RCSD1: variants seen among roughly 807,000 people sequenced by gnomAD.
RCSD1 encodes the protein RCSD domain containing 1.
RCSD1 carries 26 observed loss-of-function variants against 42.5 expected under a neutral mutation model. The observed-to-expected ratio is 0.61, with a 90% CI of 0.45 to 0.85. RCSD1 has a LOEUF of 0.85. RCSD1 is among the 40% of genes least tolerant of loss of function. RCSD1 has a pLI of 0.00. For synonymous variants in RCSD1, 220 were observed against 212.2 expected (o/e 1.04, Z -0.32); for missense variants, 571 against 528.3 (o/e 1.08, Z -0.79).
chr1:167,665,996 G>A (rs994497015), intron 1 of RCSD1, among the ~76,000 whole-genome samples: 41 of 152,244 alleles, frequency 2.7e-4, no homozygotes, highest in African/African-American at 9.4e-4. Flanking sequence ...ATTTTTAGTC[G>A]AGACGGGGTT....
Position 167,706,369 on chromosome 1 carries a change from T to C in RCSD1, c.*1673T>C, listed in dbSNP as rs1339865271. The C allele has an allele frequency of 6.6e-6, 1 of 152,166 alleles. No homozygotes were observed. Among genetic ancestry groups the C allele is most frequent in the African/African-American group, 2.4e-5 (1 of 41,430 alleles). 9.4% of individuals were successfully genotyped at this position (152,166 alleles called of 1,614,324 possible). ...GACAGAGAAGTCTACCCCTAAACAA[T>C]ACTTGGTTTTATTTATATATGTCTT... On this transcript the variant is annotated 3_prime_UTR_variant, in exon 7 of 7. Transcript: ENST00000367854.
chr1:167,677,647 G>A (rs1380720637), intron 1 of RCSD1, among the ~76,000 whole-genome samples: 1 of 152,220 alleles, frequency 6.6e-6, no homozygotes, highest in Non-Finnish European at 1.5e-5. Context: ...GAGATGAGTA[G>A]AGGAAACAGT....
intron 1 of RCSD1, among the ~76,000 whole-genome samples, chr1:167,646,987 T>C (rs1480617685): frequency 6.6e-6 from 1 of 151,942 alleles, no homozygotes; most frequent in African/African-American, 2.4e-5. Context: ...AAAGTTAGCC[T>C]GGCATGGTGG....
At position 167,697,064 on chromosome 1, in the gene RCSD1, G is replaced by T. The variant is rs1351967641; in HGVS notation, c.475-35G>T. The T allele has an allele frequency of 7.0e-6, 11 of 1,577,202 alleles. No individual in the cohort carries two copies. The Admixed American group carries it at 7.4e-5, about 11-fold the overall frequency. ...TCCTCCTCTTGGCCTTTTTTTATGA[G>T]TTTTTGGATAACTTTCCTTAACACT... On this transcript the variant is annotated intron_variant, in intron 5 of 6. Coordinates refer to ENST00000367854, the MANE Select transcript of RCSD1 (RefSeq NM_052862.4).
chr1:167,697,383 G>A lies in RCSD1; in HGVS notation c.759G>A (p.Arg253=), dbSNP rs1161044323. ...GGACAGAGAAGCAGGAGGAGGACAG[G>A]GCCACAGAGGAAGCCAAGAACGGTG... ...PSRTEKQEED[R]ATEEAKNGEK... The change falls in exon 6 of 7, where the codon AGG becomes AGA. Residue 253 remains arginine, a synonymous_variant. Transcript: ENST00000367854. 6.2e-7 allele frequency: 1 copy of A among 1,613,818 alleles called. No homozygotes were observed. The highest frequency in any genetic ancestry group is 8.5e-7 in the Non-Finnish European group (1 of 1,179,900).
intron 1 of RCSD1, among the ~76,000 whole-genome samples, chr1:167,669,248 G>T (rs896821774): frequency 6.6e-6 from 1 of 152,252 alleles, no homozygotes; most frequent in Non-Finnish European, 1.5e-5. Context: ...AAGTGACCAT[G>T]TAAGACCATT....
chr1:167,648,167 T>C (rs1245720474), intron 1 of RCSD1, among the ~76,000 whole-genome samples: 1 of 152,244 alleles, frequency 6.6e-6, no homozygotes, highest in Non-Finnish European at 1.5e-5. Context: ...ATTTTCATTG[T>C]AAATGTCTTC....
intron 1 of RCSD1, among the ~76,000 whole-genome samples, chr1:167,675,207 GAAAAAAA>G (rs34426324): frequency 2.0e-5 from 1 of 49,148 alleles, no homozygotes; most frequent in Non-Finnish European, 3.5e-5. Flanking sequence ...CTCCATCTCG[GAAAAAAA>G]AAAAAAAAAA....
At chr1:167,668,736 TAAAAA>T (rs57523926) in intron 1 of RCSD1, among the ~76,000 whole-genome samples, 1 of 130,428 alleles carries the variant, frequency 7.7e-6, no homozygotes, top group African/African-American at 2.8e-5. Flanking sequence ...CAAGATGTAC[TAAAAA>T]AAAAAAAAAA....
At chr1:167,646,320 G>A (rs1054494529) in intron 1 of RCSD1, among the ~76,000 whole-genome samples, 1 of 152,004 alleles carries the variant, frequency 6.6e-6, no homozygotes, top group South Asian at 2.1e-4. Context: ...GGTGAGCAGC[G>A]GCTATAAGGA....
intron 1 of RCSD1, among the ~76,000 whole-genome samples, chr1:167,675,969 G>A (rs1177549326): frequency 6.6e-6 from 1 of 152,148 alleles, no homozygotes; most frequent in Non-Finnish European, 1.5e-5. Context: ...ATCCCTCAGA[G>A]TATTCAGGAA....
At chr1:167,633,029 A>C (rs1657744608) in intron 1 of RCSD1, among the ~76,000 whole-genome samples, 1 of 152,216 alleles carries the variant, frequency 6.6e-6, no homozygotes, top group South Asian at 2.1e-4. Flanking sequence ...AAATTAAGTT[A>C]TATTACTTCT....
intron 1 of RCSD1, among the ~76,000 whole-genome samples, chr1:167,639,232 A>G (rs1397870891): frequency 8.6e-6 from 1 of 115,820 alleles, no homozygotes; most frequent in African/African-American, 3.3e-5. Context: ...AAACAAACAA[A>G]CAAAAAGCAA....
intron 6 of RCSD1, among the ~76,000 whole-genome samples, chr1:167,699,126 CT>C (rs113133784): frequency 2.4e-4 from 36 of 152,050 alleles, no homozygotes; most frequent in Admixed American, 1.6e-3. Flanking sequence ...CCTGCTTCCA[CT>C]TTTTTTTCCC....
intron 3 of RCSD1, among the ~76,000 whole-genome samples, chr1:167,687,511 AGACTCC>A (rs919086202): frequency 6.7e-6 from 1 of 150,068 alleles, no homozygotes; most frequent in Non-Finnish European, 1.5e-5. Flanking sequence ...TGACACAGCA[AGACTCC>A]GTCTCAAAAA....
At chr1:167,630,546 A>G (rs1276114553) in intron 1 of RCSD1, 117 bp downstream of exon 1, 1 of 1,142,954 alleles carries the variant, frequency 8.7e-7, no homozygotes, top group Non-Finnish European at 1.2e-6. Flanking sequence ...GCTGCTGCCA[A>G]CTAGAAGGGC....
At chr1:167,702,899 C>G (rs575664991) in intron 6 of RCSD1, among the ~76,000 whole-genome samples, 2 of 152,350 alleles carry the variant, frequency 1.3e-5, no homozygotes, top group Non-Finnish European at 2.9e-5. Context: ...GACTAACTTA[C>G]CCAAACAAAG....
chr1:167,682,388 C>T (rs527685028), intron 1 of RCSD1, among the ~76,000 whole-genome samples: 7 of 152,234 alleles, frequency 4.6e-5, no homozygotes, highest in African/African-American at 1.7e-4. Flanking sequence ...AGACTGGTCT[C>T]GAACTTCTGA....
At chr1:167,662,632 C>G (rs1658565291) in intron 1 of RCSD1, among the ~76,000 whole-genome samples, 1 of 152,176 alleles carries the variant, frequency 6.6e-6, no homozygotes, top group Non-Finnish European at 1.5e-5. Context: ...CTGGCCTCAG[C>G]TTGCTAATTT....
Sources: allele counts gnomAD v4.1 joint callset (sites outside exome capture counted in the v4.1 genomes callset), GRCh38; gene constraint gnomAD v4.1.1; transcripts MANE v1.5; gene names NCBI Gene and HGNC (gene_info 2026-07-23, HGNC 2026-07-21).